Variants in P2RY14 observed in about 807,000 individuals in gnomAD.
P2RY14 encodes the protein purinergic receptor P2Y14, also known as P2Y purinoceptor 14.
A neutral mutation model predicts 0.9 loss-of-function variants in P2RY14; 2 were observed. The observed-to-expected ratio is 2.16, with a 90% CI of 0.88 to 6.79. The LOEUF is 6.79. Ranked by LOEUF, P2RY14 falls within the 30% of genes most tolerant of loss-of-function variation. The pLI, the probability that P2RY14 is intolerant of heterozygous loss-of-function variation, is 0.05. For missense variants in P2RY14, 378 were observed against 400.1 expected, an observed-to-expected ratio of 0.94 and a Z score of 0.47; for synonymous variants, 158 against 147.2, an observed-to-expected ratio of 1.07 and a Z score of -0.53.
intron 1 of P2RY14, among the ~76,000 whole-genome samples, chr3:151,224,197 C>A (rs1305299459): frequency 6.6e-6 from 1 of 152,072 alleles, no homozygotes; most frequent in Non-Finnish European, 1.5e-5. Flanking sequence ...GTGCATTTTT[C>A]TTCCTCTTCT....
chr3:151,214,410 G>T, intron 2 of P2RY14, 70 bp from the exon 3 acceptor site: 1 of 1,058,224 alleles, frequency 9.4e-7, no homozygotes, highest in Non-Finnish European at 1.4e-6. Context: ...GAGTAATAAG[G>T]CAAAGGGCAA....
intron 1 of P2RY14, among the ~76,000 whole-genome samples, chr3:151,226,816 T>C (rs1408629143): frequency 6.6e-6 from 1 of 152,210 alleles, no homozygotes; most frequent in Non-Finnish European, 1.5e-5. Context: ...ATTTTTTGAC[T>C]CAGTTTTCTA....
intron 1 of P2RY14, among the ~76,000 whole-genome samples, chr3:151,232,405 C>T (rs185855296): frequency 6.6e-6 from 1 of 152,296 alleles, no homozygotes; most frequent in Admixed American, 6.5e-5. Flanking sequence ...GAAAACAGAA[C>T]TACCATTTGA....
chr3:151,220,621 A>G (rs1404700094), intron 1 of P2RY14, among the ~76,000 whole-genome samples: 1 of 152,152 alleles, frequency 6.6e-6, no homozygotes, highest in African/African-American at 2.4e-5. Flanking sequence ...ATGAGATCTG[A>G]TGGTTTTAAA....
intron 1 of P2RY14, among the ~76,000 whole-genome samples, chr3:151,245,676 A>G (rs1305633959): frequency 7.8e-6 from 1 of 127,694 alleles, no homozygotes; most frequent in Non-Finnish European, 1.7e-5. Flanking sequence ...CTGAATGGGC[A>G]AAAACTGGAA....
chr3:151,268,337 A>G (rs983326926), intron 1 of P2RY14, among the ~76,000 whole-genome samples: 1 of 152,186 alleles, frequency 6.6e-6, no homozygotes, highest in African/African-American at 2.4e-5. Context: ...AATTCAGTCT[A>G]TGCTAATGAC....
intron 2 of P2RY14, among the ~76,000 whole-genome samples, chr3:151,215,868 G>T (rs1422892512): frequency 3.3e-5 from 5 of 152,122 alleles, no homozygotes; most frequent in Non-Finnish European, 4.4e-5. Context: ...CTCCTTTTAG[G>T]TTCTGTGATT....
At chr3:151,221,039 A>G (rs1729239947) in intron 1 of P2RY14, among the ~76,000 whole-genome samples, 1 of 152,236 alleles carries the variant, frequency 6.6e-6, no homozygotes, top group South Asian at 2.1e-4. Context: ...AGGTGGTCTC[A>G]GATGGAAATG....
intron 1 of P2RY14, among the ~76,000 whole-genome samples, chr3:151,269,158 T>C (rs1162391346): frequency 6.6e-6 from 1 of 152,076 alleles, no homozygotes; most frequent in African/African-American, 2.4e-5. Flanking sequence ...GCCTATACTC[T>C]GGGAGGCCAA....
At chr3:151,255,649 C>T (rs1737681139) in intron 1 of P2RY14, among the ~76,000 whole-genome samples, 1 of 152,118 alleles carries the variant, frequency 6.6e-6, no homozygotes, top group South Asian at 2.1e-4. Flanking sequence ...GAGATGAAAC[C>T]TTTGGCCATC....
At chr3:151,246,221 A>G (rs1043122312) in intron 1 of P2RY14, among the ~76,000 whole-genome samples, 5 of 152,222 alleles carry the variant, frequency 3.3e-5, no homozygotes, top group African/African-American at 1.2e-4. Flanking sequence ...ATTCAATGCC[A>G]TCCCCATCAA....
intron 1 of P2RY14, among the ~76,000 whole-genome samples, chr3:151,276,822 C>T (rs1741943681): frequency 6.6e-6 from 1 of 152,182 alleles, no homozygotes; most frequent in East Asian, 1.9e-4. Flanking sequence ...TCTTCCTCTG[C>T]ACCCGGCCCA....
chr3:151,273,808 G>A (rs1433725137), intron 1 of P2RY14, among the ~76,000 whole-genome samples: 2 of 152,110 alleles, frequency 1.3e-5, no homozygotes, highest in African/African-American at 4.8e-5. Context: ...TTCTTAATTG[G>A]GGTAGGAGTG....
intron 2 of P2RY14, among the ~76,000 whole-genome samples, chr3:151,217,501 C>G (rs1728474755): frequency 6.6e-6 from 1 of 152,222 alleles, no homozygotes; most frequent in Non-Finnish European, 1.5e-5. Flanking sequence ...GCAGCTTTGC[C>G]TCCTGAAATG....
At chr3:151,240,342 C>T (rs1733830650) in intron 1 of P2RY14, among the ~76,000 whole-genome samples, 1 of 152,192 alleles carries the variant, frequency 6.6e-6, no homozygotes, top group Non-Finnish European at 1.5e-5. Flanking sequence ...TCTCAGATTA[C>T]AGCTCAAGCA....
At chr3:151,247,962 C>CTTCTTCT (rs1314747790) in intron 1 of P2RY14, among the ~76,000 whole-genome samples, 1 of 75,902 alleles carries the variant, frequency 1.3e-5, no homozygotes, top group Non-Finnish European at 2.5e-5. Flanking sequence ...TCTTCTTCTT[C>CTTCTTCT]TTTTTTTTTT....
chr3:151,260,963 GATGGTGTGGATGTGT>G (rs557092560), intron 1 of P2RY14, among the ~76,000 whole-genome samples: 287 of 152,170 alleles, frequency 1.9e-3, no homozygotes, highest in Admixed American at 2.6e-3. Context: ...TGATTTCCTT[GATGGTGTGGATGTGT>G]ATGGTGTCTT....
Position 151,212,236 on chromosome 3 carries a change from T to G in P2RY14, c.*1064A>C, listed in dbSNP as rs1727290038. The stretch of plus-strand genomic sequence containing the variant: ...AAATAGATGAATGTCTTCTAGCCAG[T>G]TAATAGCAGAGAAAGAATTTAGTTT... On this transcript the variant is annotated 3_prime_UTR_variant, in exon 3 of 3. Transcript: ENST00000309170. 6.6e-6 allele frequency: 1 copy of G among 152,226 alleles called. No individual in the cohort carries two copies. The allele number at this position is 152,226 out of a possible 1,614,324, so 9.4% of individuals were successfully genotyped here. A position where few individuals can be genotyped will look rare whatever the true frequency, so the allele number is the denominator to read the frequency against.
At chr3:151,226,138 A>G (rs1328287320) in intron 1 of P2RY14, among the ~76,000 whole-genome samples, 1 of 152,216 alleles carries the variant, frequency 6.6e-6, no homozygotes, top group East Asian at 1.9e-4. Context: ...TGAAGGAGGA[A>G]GCACAGGAAC....
Sources: allele counts gnomAD v4.1 joint callset (sites outside exome capture counted in the v4.1 genomes callset), GRCh38; gene constraint gnomAD v4.1.1; transcripts MANE v1.5; gene names NCBI Gene and HGNC (gene_info 2026-07-23, HGNC 2026-07-21).